The following ATP6V0A4 variants were observed in gnomAD, a reference collection of about 807,000 sequenced individuals.
ATP6V0A4 encodes V-type proton ATPase 116 kDa subunit a 4.
A neutral mutation model predicts 107.3 loss-of-function variants in ATP6V0A4; 86 were observed. That is an observed-to-expected ratio of 0.80 (90% CI 0.67 to 0.96). The LOEUF is 0.96. Among genes scored for constraint, ATP6V0A4 ranks in the 40% least tolerant of loss-of-function variants. The pLI is 0.00. For synonymous variants in ATP6V0A4, 353 were observed against 381.4 expected (o/e 0.93, Z 0.87); for missense variants, 908 against 1,045.6 (o/e 0.87, Z 1.81).
intron 1 of ATP6V0A4, among the ~76,000 whole-genome samples, chr7:138,793,041 C>G (rs1375633292): frequency 6.6e-6 from 1 of 152,136 alleles, no homozygotes; most frequent in Non-Finnish European, 1.5e-5. Context: ...CACCTGTAAT[C>G]CCAGCACTTT....
intron 18 of ATP6V0A4, among the ~76,000 whole-genome samples, chr7:138,722,837 T>C (rs1343010626): frequency 6.7e-6 from 1 of 149,182 alleles, no homozygotes; most frequent in Non-Finnish European, 1.5e-5. Context: ...GTTGAGAGGA[T>C]TGCCTGAGGC....
chr7:138,743,080 C>T (rs761957928), intron 14 of ATP6V0A4, among the ~76,000 whole-genome samples: 1 of 152,146 alleles, frequency 6.6e-6, no homozygotes, highest in African/African-American at 2.4e-5. Context: ...CCTTGCCCCA[C>T]ACTAAATATT....
chr7:138,745,408 C>T (rs1285785162), intron 13 of ATP6V0A4, 128 bp from the exon 14 acceptor site: 5 of 1,365,698 alleles, frequency 3.7e-6, no homozygotes, highest in African/African-American at 1.4e-5. Context: ...ATGACCACAG[C>T]AGACATCAAT....
Position 138,749,293 on chromosome 7 carries a change from G to T in ATP6V0A4, c.1054C>A (p.Pro352Thr). 1 of 1,613,324 alleles carries T rather than the reference G, an allele frequency of 6.2e-7. No homozygotes were observed. The highest frequency in any genetic ancestry group is 1.1e-5 in the South Asian group (1 of 91,016). ...GMELSGSSMAPIMTTVQSKTA... is the reference protein window; with the variant it reads ...GMELSGSSMATIMTTVQSKTA... ...TTAGATTGCACTGTGGTCATGATGG[G>T]GGCCATGGAGGAGCCACTTAGTTCC... The change falls in exon 12 of 22, where the codon CCC becomes ACC. Residue 352 changes from proline to threonine, a missense_variant. Transcript: ENST00000310018.
chr7:138,734,378 T>C, intron 15 of ATP6V0A4, 124 bp from the exon 16 acceptor site: 5 of 1,470,812 alleles, frequency 3.4e-6, no homozygotes, highest in Non-Finnish European at 4.7e-6. Context: ...CATATTTCAG[T>C]CCAGCTCAAT....
In ATP6V0A4 at chr7:138,755,515, C is replaced by T. The variant is rs3807147; in HGVS notation, c.816+174G>A. 0.14 allele frequency among the ~76,000 whole-genome samples: 21,270 copies of T among 152,176 alleles called. 1,882 individuals carry two copies. The highest frequency in any genetic ancestry group is 0.23 in the Admixed American group (3,532 of 15,290). ...TAAGACACAGCTTCGTTCCCTCTAG[C>T]TTATCGAACAGTTTCCCAATTGTGA... On this transcript the variant is annotated intron_variant, in intron 10 of 21. Transcript: ENST00000310018.
chr7:138,768,688 G>T (rs1807213766), intron 5 of ATP6V0A4, 92 bp downstream of exon 5: 2 of 1,470,954 alleles, frequency 1.4e-6, no homozygotes, highest in Admixed American at 1.9e-5. Context: ...AAGCAAACAG[G>T]TACGGAATCT....
intron 15 of ATP6V0A4, among the ~76,000 whole-genome samples, chr7:138,737,579 C>CTTTTTT (rs373540257): frequency 1.3e-3 from 172 of 134,604 alleles, no homozygotes; most frequent in Middle Eastern, 4.1e-3. Flanking sequence ...TTTTCTTTTT[C>CTTTTTT]TTTTTTTTTT....
intron 14 of ATP6V0A4, among the ~76,000 whole-genome samples, chr7:138,741,988 G>A (rs1373662973): frequency 6.6e-6 from 1 of 152,190 alleles, no homozygotes; most frequent in Admixed American, 6.5e-5. Flanking sequence ...GAAGACATTT[G>A]CAGGTGCATA....
At chr7:138,711,830 C>G (rs924756948) in intron 20 of ATP6V0A4, among the ~76,000 whole-genome samples, 2 of 152,264 alleles carry the variant, frequency 1.3e-5, no homozygotes, top group African/African-American at 4.8e-5. Context: ...ACACTCAGCC[C>G]TGCGTGTACC....
chr7:138,751,238 C>T (rs1024413154), intron 11 of ATP6V0A4, among the ~76,000 whole-genome samples: 3 of 152,204 alleles, frequency 2.0e-5, no homozygotes, highest in African/African-American at 7.2e-5. Flanking sequence ...ACCTCACCCT[C>T]GTTCACTGCA....
At chr7:138,764,490 A>C (rs1806990875) in intron 5 of ATP6V0A4, among the ~76,000 whole-genome samples, 1 of 152,222 alleles carries the variant, frequency 6.6e-6, no homozygotes, top group Non-Finnish European at 1.5e-5. Flanking sequence ...ACATATATCC[A>C]CAAAGGGGTG....
At chr7:138,760,270 C>A (rs983959073) in intron 7 of ATP6V0A4, among the ~76,000 whole-genome samples, 1 of 151,846 alleles carries the variant, frequency 6.6e-6, no homozygotes, top group Non-Finnish European at 1.5e-5. Context: ...ATGCTGAAAC[C>A]CCATCTCTAC....
chr7:138,735,200 A>G (rs1340525809), intron 15 of ATP6V0A4, among the ~76,000 whole-genome samples: 2 of 152,118 alleles, frequency 1.3e-5, no homozygotes, highest in African/African-American at 4.8e-5. Flanking sequence ...TAAGGACCAG[A>G]GTCACTAATA....
chr7:138,715,950 A>G, intron 19 of ATP6V0A4, 69 bp from the exon 20 acceptor site: 1 of 1,584,666 alleles, frequency 6.3e-7, no homozygotes, highest in East Asian at 2.3e-5. Flanking sequence ...CAAATGATGC[A>G]AAGATGAATA....
chr7:138,792,259 T>C (rs1206135865), intron 1 of ATP6V0A4, among the ~76,000 whole-genome samples: 1 of 152,182 alleles, frequency 6.6e-6, no homozygotes, highest in Non-Finnish European at 1.5e-5. Context: ...TGAGCCGAGA[T>C]AGCGCCACTG....
intron 14 of ATP6V0A4, 57 bp downstream of exon 14, chr7:138,745,066 A>G: frequency 1.3e-6 from 2 of 1,497,944 alleles, no homozygotes; most frequent in Non-Finnish European, 1.9e-6. Context: ...CCATGAAAAC[A>G]GTCACTGAGG....
intron 20 of ATP6V0A4, among the ~76,000 whole-genome samples, chr7:138,710,192 A>AGTTT (rs770551165): frequency 1.5e-5 from 2 of 135,270 alleles, no homozygotes; most frequent in Non-Finnish European, 3.1e-5. Context: ...CTGTCTGTTA[A>AGTTT]TTTTTTTTTT....
chr7:138,782,841 G>A (rs111381490), intron 2 of ATP6V0A4, among the ~76,000 whole-genome samples: 12,530 of 152,238 alleles, frequency 0.082, 603 homozygotes, highest in African/African-American at 0.13. Context: ...TTGGGAGGCC[G>A]AGGCAGTTGG....
Sources: allele counts gnomAD v4.1 joint callset (sites outside exome capture counted in the v4.1 genomes callset), GRCh38; gene constraint gnomAD v4.1.1; transcripts MANE v1.5; gene names NCBI Gene and HGNC (gene_info 2026-07-23, HGNC 2026-07-21).